PDE10A: variants seen among roughly 807,000 people sequenced by gnomAD.
PDE10A encodes the protein phosphodiesterase 10A, also known as cAMP and cAMP-inhibited cGMP 3',5'-cyclic phosphodiesterase 10A.
A neutral mutation model predicts 97.7 loss-of-function variants in PDE10A; 39 were observed. The observed-to-expected ratio is 0.40, with a 90% CI of 0.31 to 0.52. The LOEUF is 0.52. Among genes scored for constraint, PDE10A ranks in the 20% least tolerant of loss-of-function variants. The pLI is 0.56. For missense variants in PDE10A, 731 were observed against 1,047.8 expected (o/e 0.70, Z 4.17); for synonymous variants, 371 against 376.8 (o/e 0.98, Z 0.18).
chr6:165,383,621 C>T (rs1332823398), intron 17 of PDE10A, among the ~76,000 whole-genome samples: 1 of 152,114 alleles, frequency 6.6e-6, no homozygotes, highest in Non-Finnish European at 1.5e-5. Context: ...TTCACACTTC[C>T]ACTTGTGCCC....
At chr6:165,537,161 A>G (rs765224081) in intron 2 of PDE10A, among the ~76,000 whole-genome samples, 2 of 152,050 alleles carry the variant, frequency 1.3e-5, no homozygotes, top group Non-Finnish European at 2.9e-5. Flanking sequence ...ACTAGAGTCC[A>G]TTAAGTGAAA....
intron 1 of PDE10A, among the ~76,000 whole-genome samples, chr6:165,934,445 A>G (rs1426182353): frequency 6.6e-6 from 1 of 151,808 alleles, no homozygotes; most frequent in East Asian, 1.9e-4. Flanking sequence ...CAACTTGTCT[A>G]CACCACCACC....
Position 165,757,666 on chromosome 6 carries a change from T to A in PDE10A, c.-614-214098A>T, listed in dbSNP as rs145835681. Among the ~76,000 whole-genome samples, 312 of 152,310 alleles carry A rather than the reference T, an allele frequency of 2.0e-3. 5 individuals carry two copies. Among genetic ancestry groups the A allele is most frequent in the African/African-American group, 7.0e-3 (290 of 41,570 alleles). ...TGTGTATTTGTATCTATTTCTGGAC[T>A]TTCTAATCTGTTGCATTGATTTATA... is the stretch of plus-strand genomic sequence containing the variant. On this transcript the variant is annotated intron_variant, in intron 1 of 19. Coordinates refer to the PDE10A transcript ENST00000366882.
intron 2 of PDE10A, among the ~76,000 whole-genome samples, chr6:165,514,367 A>C (rs1266043309): frequency 6.6e-6 from 1 of 152,184 alleles, no homozygotes; most frequent in Non-Finnish European, 1.5e-5. Context: ...TATTCTTTTT[A>C]AGTATTTAAT....
rs548881866 is a variant in PDE10A, at chr6:165,627,596, G to A, written c.865+34351C>T. Reference sequence around the variant, plus strand: ...CAAGCTGCCGTGACTTGGGGGAAGAGGGACAAACAGCCTGGGAAGTGGGAG... The same window carrying A: ...CAAGCTGCCGTGACTTGGGGGAAGAAGGACAAACAGCCTGGGAAGTGGGAG... On this transcript the variant is annotated intron_variant, in intron 1 of 21. Coordinates refer to ENST00000539869, the MANE Select transcript of PDE10A (RefSeq NM_001385079.1). Among the ~76,000 whole-genome samples, 14 of 152,286 alleles carry A rather than the reference G, an allele frequency of 9.2e-5. No individual in the cohort carries two copies. The East Asian group carries it at 2.5e-3, about 27-fold the overall frequency.
At chr6:165,561,511 C>G (rs1378102681) in intron 1 of PDE10A, among the ~76,000 whole-genome samples, 1 of 152,156 alleles carries the variant, frequency 6.6e-6, no homozygotes, top group Non-Finnish European at 1.5e-5. Context: ...CACAAATACA[C>G]CATCAGAAAA....
intron 1 of PDE10A, among the ~76,000 whole-genome samples, chr6:165,926,172 C>T (rs996916178): frequency 2.6e-5 from 4 of 152,136 alleles, no homozygotes; most frequent in Admixed American, 1.3e-4. Flanking sequence ...AATGAAGTAC[C>T]AGCAATAGTG....
intron 2 of PDE10A, among the ~76,000 whole-genome samples, chr6:165,539,775 A>G (rs2128320551): frequency 6.6e-6 from 1 of 152,048 alleles, no homozygotes; most frequent in South Asian, 2.1e-4. Flanking sequence ...AAAAATACAA[A>G]TAGTAGCCGG....
At chr6:165,731,888 A>C (rs1792445677) in intron 1 of PDE10A, among the ~76,000 whole-genome samples, 1 of 152,198 alleles carries the variant, frequency 6.6e-6, no homozygotes, top group South Asian at 2.1e-4. Context: ...TTTTTGGTAA[A>C]ACTGCTAATA....
chr6:165,619,473 T>G (rs1787980673), intron 1 of PDE10A, among the ~76,000 whole-genome samples: 1 of 146,526 alleles, frequency 6.8e-6, no homozygotes, highest in Admixed American at 6.6e-5. Flanking sequence ...TCTAGTGTAG[T>G]GTAGTCTAGT....
At chr6:165,485,686 G>A (rs1182944353) in intron 2 of PDE10A, among the ~76,000 whole-genome samples, 2 of 150,562 alleles carry the variant, frequency 1.3e-5, no homozygotes, top group Non-Finnish European at 1.5e-5. Flanking sequence ...TCTGCCTTCC[G>A]GGTTCAAGCA....
At chr6:165,488,855 C>G (rs553991420) in intron 2 of PDE10A, among the ~76,000 whole-genome samples, 1 of 152,238 alleles carries the variant, frequency 6.6e-6, no homozygotes, top group South Asian at 2.1e-4. Context: ...CAGAGGCCCC[C>G]TGGGAACGTA....
rs149551443 is a variant in PDE10A at position 165,964,568 on chromosome 6, C to T, written c.-615+22961G>A. Among the ~76,000 whole-genome samples, 5 of 152,272 alleles carry T rather than the reference C, an allele frequency of 3.3e-5. No individual in the cohort carries two copies. In the East Asian group the frequency reaches 7.7e-4, roughly 23 times the overall value. On this transcript the variant is annotated intron_variant, in intron 1 of 19. Transcript: ENST00000366882. ...GTGGAATTTACCATGAGATGAGTCA[C>T]GATCTCTCTCATCATCTTCATCAAC...
intron 1 of PDE10A, among the ~76,000 whole-genome samples, chr6:165,832,478 A>C (rs1779949848): frequency 1.3e-5 from 2 of 152,032 alleles, no homozygotes; most frequent in African/African-American, 4.8e-5. Context: ...AAGCACATTG[A>C]GTGGGGACCT....
intron 18 of PDE10A, among the ~76,000 whole-genome samples, chr6:165,350,749 T>A (rs768233740): frequency 1.7e-4 from 26 of 152,162 alleles, no homozygotes; most frequent in Admixed American, 5.2e-4. Context: ...AATCCTCTTC[T>A]CATGATAGTG....
At chr6:165,721,926 G>A (rs1792176829) in intron 1 of PDE10A, among the ~76,000 whole-genome samples, 2 of 152,234 alleles carry the variant, frequency 1.3e-5, no homozygotes, top group Admixed American at 6.5e-5. Context: ...TTACAGTCCC[G>A]CCACATCTAG....
chr6:165,824,218 G>A (rs980608773), intron 1 of PDE10A, among the ~76,000 whole-genome samples: 9 of 152,136 alleles, frequency 5.9e-5, no homozygotes, highest in Non-Finnish European at 8.8e-5. Flanking sequence ...AATAGATTAC[G>A]TTCATTAAAA....
intron 21 of PDE10A, among the ~76,000 whole-genome samples, chr6:165,335,602 G>A (rs184216377): frequency 6.6e-6 from 1 of 151,878 alleles, no homozygotes; most frequent in South Asian, 2.1e-4. Context: ...CCTGGCCAAG[G>A]GCTTCTATCC....
At chr6:165,539,611 A>T (rs1408965630) in intron 2 of PDE10A, among the ~76,000 whole-genome samples, 1 of 152,198 alleles carries the variant, frequency 6.6e-6, no homozygotes, top group African/African-American at 2.4e-5. Flanking sequence ...TGAAAACACA[A>T]GGAACCTGTG....
Sources: gnomAD v4.1 joint callset for allele counts (sites outside exome capture counted in the v4.1 genomes callset) on GRCh38, gnomAD v4.1.1 for gene constraint, MANE v1.5 for transcripts, NCBI Gene and HGNC (gene_info 2026-07-23, HGNC 2026-07-21) for gene names.